HOXC8: variants seen among roughly 807,000 people sequenced by gnomAD.
HOXC8 encodes the protein homeobox C8, also known as homeobox protein Hox-C8.
In HOXC8, 14 loss-of-function variants were observed where a neutral mutation model predicts 25.8. The ratio of observed to expected loss-of-function variants is 0.54; its 90% CI spans 0.36 to 0.85. The LOEUF (loss-of-function observed/expected upper bound fraction) is 0.85. Among genes scored for constraint, HOXC8 ranks in the 40% least tolerant of loss-of-function variants. The pLI, the probability that HOXC8 is intolerant of heterozygous loss-of-function variation, is 0.01. For synonymous variants in HOXC8, 144 were observed against 124.6 expected (o/e 1.16, Z -1.04); for missense variants, 316 against 308.8 (o/e 1.02, Z -0.17).
chr12:54,009,730 CT>C lies in HOXC8; in HGVS notation c.436+14del. 1 of 1,609,370 alleles carries C rather than the reference CT, an allele frequency of 6.2e-7. No homozygotes were observed. Among genetic ancestry groups the C allele is most frequent in the Non-Finnish European group, 8.5e-7 (1 of 1,175,992 alleles). ...TGGATGAGACCCCACGGTGAGAAGC[CT>C]TTTCTCTTTCCCCCTTGGTCTCCCG... On this transcript the variant is annotated intron_variant, in intron 1 of 1. Coordinates refer to ENST00000040584, the MANE Select transcript of HOXC8 (RefSeq NM_022658.4). The surrounding 1 kb of genome is among the most constrained non-coding windows in gnomAD (Gnocchi z 5.0).
chr12:54,009,578 C>A lies in HOXC8; in HGVS notation c.294C>A (p.Ser98=), dbSNP rs761842527. Residue 98 remains serine (S), a synonymous_variant, in exon 1 of 2, where the codon TCC becomes TCA. Coordinates refer to ENST00000040584, the MANE Select transcript of HOXC8 (RefSeq NM_022658.4). The surrounding 1 kb of genome is among the most constrained non-coding windows in gnomAD (Gnocchi z 5.0). ...FYGYEALPRQ[S]LYGAQQEASV... ...GCTACGAGGCGCTCCCCAGACAGTC[C>A]CTTTATGGGGCTCAGCAAGAGGCGA... The A allele has an allele frequency of 3.7e-6, 6 of 1,614,114 alleles. No individual in the cohort carries two copies. The highest frequency in any genetic ancestry group is 1.3e-5 in the African/African-American group (1 of 74,932).
rs780372373 is a variant in HOXC8, at chr12:54,011,293, C to T, written c.641C>T (p.Pro214Leu). ...AAGGAGAACAACAAGGATAAACTGC[C>T]GGGAGCCCGAGATGAGGAGAAGGTG... ...WKKENNKDKLPGARDEEKVEE... is the reference protein window; with the variant it reads ...WKKENNKDKLLGARDEEKVEE... Residue 214 changes from proline (P) to leucine (L), a missense_variant, in exon 2 of 2, where the codon CCG (proline) becomes CTG (leucine). Transcript: ENST00000040584. 16 of 1,564,476 alleles carry T rather than the reference C, an allele frequency of 1.0e-5. No individual in the cohort carries two copies. Among genetic ancestry groups the T allele is most frequent in the African/African-American group, 5.6e-5 (4 of 72,024 alleles).
chr12:54,009,542 C>T lies in HOXC8; in HGVS notation c.258C>T (p.Ser86=). The T allele has an allele frequency of 6.2e-7, 1 of 1,614,212 alleles. No homozygotes were observed. The highest frequency in any genetic ancestry group is 8.5e-7 in the Non-Finnish European group (1 of 1,180,036). ...PCSLSCHGDA[S]KFYGYEALPR... is the part of the protein sequence containing the mutation. The stretch of plus-strand genomic sequence containing the variant: ...CGCTTAGCTGCCACGGAGACGCCTC[C>T]AAATTCTATGGCTACGAGGCGCTCC... The change falls in exon 1 of 2, where the codon TCC becomes TCT. Residue 86 remains serine (S), a synonymous_variant. Coordinates refer to ENST00000040584, the MANE Select transcript of HOXC8 (RefSeq NM_022658.4). This position sits in a 1 kb window ranked among gnomAD's most constrained non-coding sequence, Gnocchi z 5.0.
chr12:54,012,733 G>A lies in HOXC8; in HGVS notation c.*1352G>A, dbSNP rs765174294. On this transcript the variant is annotated 3_prime_UTR_variant, in exon 2 of 2. Transcript: ENST00000040584. Reference sequence around the variant, plus strand: ...GGTCCAAGTACTTTGTATTGTATACGTGAGTCATAATAATAAAAAGAAGAA... The same window carrying A: ...GGTCCAAGTACTTTGTATTGTATACATGAGTCATAATAATAAAAAGAAGAA... Among the ~76,000 whole-genome samples, 19 of 152,272 alleles carry A rather than the reference G, an allele frequency of 1.2e-4. No individual in the cohort carries two copies. The highest frequency in any genetic ancestry group is 1.2e-3 in the South Asian group (6 of 4,818).
Position 54,011,343 on chromosome 12 carries a change from G to T in HOXC8, c.691G>T (p.Glu231Ter). ...GGAGGAAGAAGGAAATGAGGAAGAG[G>T]AGAAAGAAGAGGAGGAAAAGGAAGA... ...KVEEEGNEEE[E>*]KEEEEKEENK... The change falls in exon 2 of 2, where the codon GAG (glutamate) becomes TAG (stop). Residue 231 changes from glutamate (E) to a stop codon, truncating the protein, a stop_gained. Coordinates refer to ENST00000040584, the MANE Select transcript of HOXC8 (RefSeq NM_022658.4). LOFTEE classifies it high-confidence loss of function. The T allele has an allele frequency of 6.7e-7, 1 of 1,484,542 alleles. No individual in the cohort carries two copies. The allele number at this position is 1,484,542 out of a possible 1,614,324, so 92.0% of individuals were successfully genotyped here. A position where few individuals can be genotyped will look rare whatever the true frequency, so the allele number is the denominator to read the frequency against.
chr12:54,010,761 G>A (rs182936415), intron 1 of HOXC8, among the ~76,000 whole-genome samples: 8 of 152,164 alleles, frequency 5.3e-5, no homozygotes, highest in African/African-American at 1.9e-4. Flanking sequence ...CTCACTAAAT[G>A]CCCTGCTGCA....
chr12:54,011,853 TAAAA>T lies in HOXC8; in HGVS notation c.*474_*477del, dbSNP rs1940002246. 1 of 151,678 alleles carries T rather than the reference TAAAA, an allele frequency of 6.6e-6. No homozygotes were observed. The highest frequency in any genetic ancestry group is 6.6e-5 in the Admixed American group (1 of 15,224). 9.4% of individuals were successfully genotyped at this position (151,678 alleles called of 1,614,324 possible). A position where few individuals can be genotyped will look rare whatever the true frequency, so the allele number is the denominator to read the frequency against. ...GCTAGTGTACTAGATGTACTTTTTCTAAAAAGGAAAGGACAGAAAAAAATGAAGA... is the reference window on the plus strand; with the variant it reads ...GCTAGTGTACTAGATGTACTTTTTCTAGGAAAGGACAGAAAAAAATGAAGA... On this transcript the variant is annotated 3_prime_UTR_variant, in exon 2 of 2. Transcript: ENST00000040584.
At position 54,009,273 on chromosome 12, in the gene HOXC8, C is replaced by T. The variant is rs1939924942; in HGVS notation, c.-12C>T. On this transcript the variant is annotated 5_prime_UTR_variant, in exon 1 of 2. Transcript: ENST00000040584. This position sits in a 1 kb window ranked among gnomAD's most constrained non-coding sequence, Gnocchi z 5.0. ...CAGAGGGGAGGGGGCCGCGGGTTTT[C>T]ATGTACCCAGCATGAGCTCCTACTT... The T allele has an allele frequency of 6.4e-7, 1 of 1,563,120 alleles. No homozygotes were observed.
In HOXC8 at chr12:54,011,558, C is replaced by T. The variant is rs1387987491; in HGVS notation, c.*177C>T. 3.8e-6 allele frequency: 3 copies of T among 781,186 alleles called. No homozygotes were observed. Among genetic ancestry groups the T allele is most frequent in the Middle Eastern group, 4.4e-4 (1 of 2,282 alleles). The allele number at this position is 781,186 out of a possible 1,614,324, so 48.4% of individuals were successfully genotyped here. Reference sequence around the variant, plus strand: ...CTGGTTTTATTACCTTTGGACTTCCCCCACTCTTTATTTGTTTGGGGGCTG... The same window carrying T: ...CTGGTTTTATTACCTTTGGACTTCCTCCACTCTTTATTTGTTTGGGGGCTG... On this transcript the variant is annotated 3_prime_UTR_variant, in exon 2 of 2. Transcript: ENST00000040584.
Position 54,009,265 on chromosome 12 carries a change from C to T in HOXC8, c.-20C>T. 6.5e-7 allele frequency: 1 copy of T among 1,549,974 alleles called. No homozygotes were observed. The highest frequency in any genetic ancestry group is 1.2e-5 in the South Asian group (1 of 82,524). ...TCGTGAGCCAGAGGGGAGGGGGCCG[C>T]GGGTTTTCATGTACCCAGCATGAGC... On this transcript the variant is annotated 5_prime_UTR_variant, in exon 1 of 2. Transcript: ENST00000040584. This position sits in a 1 kb window ranked among gnomAD's most constrained non-coding sequence, Gnocchi z 5.0.
At chr12:54,010,976 A>T (rs964300262) in intron 1 of HOXC8, 113 bp from the exon 2 acceptor site, 3 of 699,600 alleles carry the variant, frequency 4.3e-6, no homozygotes, top group Admixed American at 2.8e-5. Context: ...CCTTTTCCAT[A>T]GAGGGGAGGC....
At chr12:54,010,708 G>C (rs1449949457) in intron 1 of HOXC8, among the ~76,000 whole-genome samples, 1 of 152,206 alleles carries the variant, frequency 6.6e-6, no homozygotes, top group Non-Finnish European at 1.5e-5. Flanking sequence ...TTTACCCCCA[G>C]CTTTTTTTCC....
At chr12:54,010,500 T>G (rs1317380773) in intron 1 of HOXC8, among the ~76,000 whole-genome samples, 1 of 152,150 alleles carries the variant, frequency 6.6e-6, no homozygotes, top group African/African-American at 2.4e-5. Flanking sequence ...GGGTGGCCCC[T>G]CATGGCCCAA....
chr12:54,009,315 T>C lies in HOXC8; in HGVS notation c.31T>C (p.Ser11Pro). Residue 11 changes from serine to proline, a missense_variant, in exon 1 of 2, where the codon TCC (serine) becomes CCC (proline). Physicochemically the swap from Ser to Pro is moderately conservative, Grantham distance 74. Coordinates refer to ENST00000040584, the MANE Select transcript of HOXC8 (RefSeq NM_022658.4). The surrounding 1 kb of genome is among the most constrained non-coding windows in gnomAD (Gnocchi z 5.0). MSSYFVNPLF[S>P]KYKAGESLEP... ...CTCCTACTTCGTCAACCCCCTGTTC[T>C]CCAAATACAAAGCCGGCGAGTCCCT... 1 of 1,602,494 alleles carries C rather than the reference T, an allele frequency of 6.2e-7. No individual in the cohort carries two copies. The highest frequency in any genetic ancestry group is 8.5e-7 in the Non-Finnish European group (1 of 1,172,530).
In HOXC8 at chr12:54,009,048, G is replaced by C. The variant is rs1939917544; in HGVS notation, c.-237G>C. On this transcript the variant is annotated 5_prime_UTR_variant, in exon 1 of 2. Transcript: ENST00000040584. This position sits in a 1 kb window ranked among gnomAD's most constrained non-coding sequence, Gnocchi z 5.0. Reference sequence around the variant, plus strand: ...AGCGCCGCCGCCGCCGCCGCCGCCCGCTCGCCGCCCGCCGCCGCCGCCGCC... The same window carrying C: ...AGCGCCGCCGCCGCCGCCGCCGCCCCCTCGCCGCCCGCCGCCGCCGCCGCC... 1 of 151,486 alleles carries C rather than the reference G, an allele frequency of 6.6e-6. No homozygotes were observed. The highest frequency in any genetic ancestry group is 6.9e-5 in the Admixed American group (1 of 14,560). The allele number at this position is 151,486 out of a possible 1,614,324, so 9.4% of individuals were successfully genotyped here.
At position 54,010,986 on chromosome 12, in the gene HOXC8, C is replaced by A. The variant is rs139248087; in HGVS notation, c.437-103C>A. The A allele has an allele frequency of 1.7e-5, 13 of 748,718 alleles. No individual in the cohort carries two copies. In the African/African-American group the frequency reaches 2.0e-4, roughly 12 times the overall value. 46.4% of individuals were successfully genotyped at this position (748,718 alleles called of 1,614,324 possible). ...TCTAGCCTTTTCCATAGAGGGGAGG[C>A]GAACTGAGGAGATCAGAGAGGGGAG... On this transcript the variant is annotated intron_variant, in intron 1 of 1. Coordinates refer to ENST00000040584, the MANE Select transcript of HOXC8 (RefSeq NM_022658.4).
Position 54,009,744 on chromosome 12 carries a change from C to T in HOXC8, c.436+24C>T. ...CGGTGAGAAGCCTTTTCTCTTTCCC[C>T]CTTGGTCTCCCGCGCTCCAGGGTTT... On this transcript the variant is annotated intron_variant, in intron 1 of 1. Transcript: ENST00000040584. This position sits in a 1 kb window ranked among gnomAD's most constrained non-coding sequence, Gnocchi z 5.0. 1 of 1,598,796 alleles carries T rather than the reference C, an allele frequency of 6.3e-7. No individual in the cohort carries two copies. The highest frequency in any genetic ancestry group is 8.6e-7 in the Non-Finnish European group (1 of 1,167,486).
At chr12:54,011,012 T>A in intron 1 of HOXC8, 77 bp from the exon 2 acceptor site, 1 of 1,042,628 alleles carries the variant, frequency 9.6e-7, no homozygotes, top group Non-Finnish European at 1.5e-6. Flanking sequence ...GAGAGGGGAG[T>A]TTAGAGTAGG....
chr12:54,009,816 G>A lies in HOXC8; in HGVS notation c.436+96G>A. ...TTTGTCTGCCCTCGCTTTTTCTCCT[G>A]GCTTTGGGGTCTCTCCCGCCCCACC... On this transcript the variant is annotated intron_variant, in intron 1 of 1. Transcript: ENST00000040584. This position sits in a 1 kb window ranked among gnomAD's most constrained non-coding sequence, Gnocchi z 5.0. The A allele has an allele frequency of 2.7e-6, 3 of 1,120,124 alleles. No individual in the cohort carries two copies. In the Admixed American group the frequency reaches 5.9e-5, roughly 22 times the overall value. 69.4% of individuals were successfully genotyped at this position (1,120,124 alleles called of 1,614,324 possible).
Sources: gnomAD v4.1 joint callset for allele counts (sites outside exome capture counted in the v4.1 genomes callset) on GRCh38, gnomAD v4.1.1 for gene constraint, Gnocchi (gnomAD v3.1) non-coding constraint, MANE v1.5 for transcripts, NCBI Gene and HGNC (gene_info 2026-07-23, HGNC 2026-07-21) for gene names.